The following GDI2 variants were observed in gnomAD, a reference collection of about 807,000 sequenced individuals.
GDI2 encodes the protein rab GDP dissociation inhibitor beta.
A neutral mutation model predicts 54.2 loss-of-function variants in GDI2; 22 were observed. That is an observed-to-expected ratio of 0.41 (90% CI 0.29 to 0.58). The LOEUF (loss-of-function observed/expected upper bound fraction) is 0.58. Among genes scored for constraint, GDI2 ranks in the 20% least tolerant of loss-of-function variants. The pLI is 0.35. For synonymous variants in GDI2, 177 were observed against 182.1 expected (o/e 0.97, Z 0.23); for missense variants, 422 against 546.0 (o/e 0.77, Z 2.26).
rs557600248 is a variant in GDI2 at position 5,797,876 on chromosome 10, C to T, written c.154-1014G>A. On this transcript the variant is annotated intron_variant, in intron 2 of 10. Transcript: ENST00000380191. ...CATTCTCTCCCAAATAAAAAGCTAT[C>T]AAAGGCTTAATTTTGCTTTTGTATT... is the stretch of plus-strand genomic sequence containing the variant. Among the ~76,000 whole-genome samples, 7 of 152,314 alleles carry T rather than the reference C, an allele frequency of 4.6e-5. No homozygotes were observed. The South Asian group carries it at 1.4e-3, about 32-fold the overall frequency.
intron 1 of GDI2, among the ~76,000 whole-genome samples, chr10:5,803,353 G>A (rs1484737846): frequency 6.6e-6 from 1 of 152,116 alleles, no homozygotes; most frequent in African/African-American, 2.4e-5. Context: ...GAACCCATGA[G>A]GGCAAAGGTG....
Position 5,774,767 on chromosome 10 carries a change from C to A in GDI2, c.720-826G>T, listed in dbSNP as rs1211477916. Among the ~76,000 whole-genome samples the A allele has an allele frequency of 6.6e-6, 1 of 152,126 alleles. No individual in the cohort carries two copies. The highest frequency in any genetic ancestry group is 1.5e-5 in the Non-Finnish European group (1 of 68,028). The stretch of plus-strand genomic sequence containing the variant: ...TCTTCAACTAAAATCGGCTCTTTCC[C>A]AAAACCCCACACTGTCTATTCTCCT... On this transcript the variant is annotated intron_variant, in intron 6 of 10. Coordinates refer to ENST00000380191, the MANE Select transcript of GDI2 (RefSeq NM_001494.4). The surrounding 1 kb of genome is among the most constrained non-coding windows in gnomAD (Gnocchi z 4.8).
chr10:5,790,895 C>T (rs1181495949), intron 4 of GDI2, among the ~76,000 whole-genome samples: 1 of 152,174 alleles, frequency 6.6e-6, no homozygotes, highest in Non-Finnish European at 1.5e-5. Context: ...GTGGCTCACG[C>T]CTGTAGTGCT....
chr10:5,789,464 G>A (rs1840960516), intron 4 of GDI2, among the ~76,000 whole-genome samples: 1 of 151,942 alleles, frequency 6.6e-6, no homozygotes, highest in African/African-American at 2.4e-5. Context: ...GGCTAGAGGT[G>A]CAGTGACTAT....
At chr10:5,811,854 G>T in intron 1 of GDI2, 2 of 727,560 alleles carry the variant, frequency 2.7e-6, no homozygotes, top group Non-Finnish European at 4.1e-6. Flanking sequence ...AGAAAAACAC[G>T]ATTCTAATTC....
chr10:5,806,406 A>T (rs940878149), intron 1 of GDI2, among the ~76,000 whole-genome samples: 14 of 132,208 alleles, frequency 1.1e-4, no homozygotes, highest in South Asian at 4.8e-4. Context: ...AAGAAAATTT[A>T]AAAAAAAAAA....
At chr10:5,800,782 A>G (rs1841251548) in intron 1 of GDI2, 77 bp from the exon 2 acceptor site, 19 of 785,738 alleles carry the variant, frequency 2.4e-5, no homozygotes, top group Admixed American at 5.2e-5. Flanking sequence ...CAAGCCTGCC[A>G]TTACACATTC....
rs148425355 is a variant in GDI2 at position 5,795,324 on chromosome 10, G to A, written c.254-305C>T. Among the ~76,000 whole-genome samples the A allele has an allele frequency of 7.0e-3, 1,068 of 151,836 alleles. 20 individuals carry two copies. The highest frequency in any genetic ancestry group is 0.024 in the African/African-American group (986 of 41,402). On this transcript the variant is annotated intron_variant, in intron 3 of 10. Transcript: ENST00000380191. Reference sequence around the variant, plus strand: ...TTTTGTAGAGACAGGGTTTTGCCATGTTGCCCAGGCTGGTCTCAAACTCCT... The same window carrying A: ...TTTTGTAGAGACAGGGTTTTGCCATATTGCCCAGGCTGGTCTCAAACTCCT...
At chr10:5,801,154 T>C (rs2131715416) in intron 1 of GDI2, among the ~76,000 whole-genome samples, 1 of 152,096 alleles carries the variant, frequency 6.6e-6, no homozygotes, top group South Asian at 2.1e-4. Flanking sequence ...GGTTTCACCA[T>C]GTTGGCCAGG....
Position 5,786,027 on chromosome 10 carries a change from G to A in GDI2, c.412C>T (p.Arg138Cys), listed in dbSNP as rs1354631339. 2.5e-6 allele frequency: 4 copies of A among 1,612,636 alleles called. No homozygotes were observed. The highest frequency in any genetic ancestry group is 1.3e-5 in the African/African-American group (1 of 74,802). The part of the protein sequence containing the change: ...ASSLMGLFEK[R>C]RFRKFLVYVA... ...TACACTAGGAATTTCCTGAAGCGACGTTTTTCAAACAATCCCATTAGGCCT... is the reference window on the plus strand; with the variant it reads ...TACACTAGGAATTTCCTGAAGCGACATTTTTCAAACAATCCCATTAGGCCT... The change falls in exon 5 of 11, where the codon CGT (arginine) becomes TGT (cysteine). Residue 138 changes from arginine (R) to cysteine (C), a missense_variant. Coordinates refer to ENST00000380191, the MANE Select transcript of GDI2 (RefSeq NM_001494.4).
At chr10:5,810,043 A>G (rs1841455694) in intron 1 of GDI2, among the ~76,000 whole-genome samples, 2 of 152,250 alleles carry the variant, frequency 1.3e-5, no homozygotes, top group South Asian at 4.1e-4. Context: ...TATAAGCAAG[A>G]ACTCTCAAAG....
intron 2 of GDI2, among the ~76,000 whole-genome samples, chr10:5,800,311 T>C (rs549432918): frequency 6.6e-6 from 1 of 151,942 alleles, no homozygotes; most frequent in African/African-American, 2.4e-5. Context: ...AGAAAATAAA[T>C]AAAGCCATGA....
intron 1 of GDI2, among the ~76,000 whole-genome samples, chr10:5,812,204 T>TAAAA (rs202220456): frequency 7.1e-6 from 1 of 140,080 alleles, no homozygotes; most frequent in African/African-American, 2.6e-5. Context: ...GATGAACATT[T>TAAAA]AAAAAAAAAA....
At chr10:5,786,848 G>C (rs72772377) in intron 4 of GDI2, among the ~76,000 whole-genome samples, 3,164 of 152,256 alleles carry the variant, frequency 0.021, 46 homozygotes, top group Middle Eastern at 0.041. Context: ...ATAAAATTTC[G>C]ATGCTGCTGC....
At chr10:5,794,858 G>C (rs746994600) in intron 4 of GDI2, 27 bp downstream of exon 4, 1 of 1,494,802 alleles carries the variant, frequency 6.7e-7, no homozygotes, top group East Asian at 2.3e-5. Context: ...AATAAAACTA[G>C]TTACTAGAGA....
At chr10:5,790,151 C>T (rs981748384) in intron 4 of GDI2, among the ~76,000 whole-genome samples, 5 of 152,210 alleles carry the variant, frequency 3.3e-5, no homozygotes, top group African/African-American at 7.2e-5. Context: ...TTCCTTGAAA[C>T]GTACCAACTG....
chr10:5,792,051 A>T (rs574045828), intron 4 of GDI2, among the ~76,000 whole-genome samples: 2 of 152,358 alleles, frequency 1.3e-5, no homozygotes, highest in Admixed American at 6.5e-5. Context: ...TATGAGAAAC[A>T]ACTAAGGAGA....
chr10:5,803,184 T>C (rs920780369), intron 1 of GDI2, among the ~76,000 whole-genome samples: 19 of 151,106 alleles, frequency 1.3e-4, no homozygotes, highest in African/African-American at 4.5e-4. Flanking sequence ...TTAGAAAATA[T>C]ACTCAGGCAG....
Position 5,776,902 on chromosome 10 carries a change from C to T in GDI2, c.720-2961G>A, listed in dbSNP as rs1257734684. On this transcript the variant is annotated intron_variant, in intron 6 of 10. Transcript: ENST00000380191. This position sits in a 1 kb window ranked among gnomAD's most constrained non-coding sequence, Gnocchi z 5.3. ...GAAGAGGGGAGAAGAGGAAATAATG[C>T]GAAAACAGTTAATCCAGCAAAAAAA... 5.3e-5 allele frequency: 43 copies of T among 815,566 alleles called. No homozygotes were observed. The East Asian group carries it at 8.6e-4, about 16-fold the overall frequency. 50.5% of individuals were successfully genotyped at this position (815,566 alleles called of 1,614,324 possible). A position where few individuals can be genotyped will look rare whatever the true frequency, so the allele number is the denominator to read the frequency against.
Sources: allele counts gnomAD v4.1 joint callset (sites outside exome capture counted in the v4.1 genomes callset), GRCh38; gene constraint gnomAD v4.1.1; non-coding constraint Gnocchi (gnomAD v3.1); transcripts MANE v1.5; gene names NCBI Gene and HGNC (gene_info 2026-07-23, HGNC 2026-07-21).